The following FHOD3 variants were observed in gnomAD, a reference collection of about 807,000 sequenced individuals.
FHOD3 encodes FH1/FH2 domain-containing protein 3.
FHOD3 carries 90 observed loss-of-function variants against 173.0 expected under a neutral mutation model. That is an observed-to-expected ratio of 0.52 (90% CI 0.44 to 0.62). The LOEUF (loss-of-function observed/expected upper bound fraction) is 0.62. FHOD3 is among the 20% of genes least tolerant of loss of function. The pLI, the probability that FHOD3 is intolerant of heterozygous loss-of-function variation, is 0.00. For missense variants in FHOD3, 1,945 were observed against 2,034.7 expected, an observed-to-expected ratio of 0.96 and a Z score of 0.85; for synonymous variants, 828 against 823.0, an observed-to-expected ratio of 1.01 and a Z score of -0.10.
chr18:36,732,655 G>A (rs891585467), intron 20 of FHOD3, among the ~76,000 whole-genome samples: 6 of 152,198 alleles, frequency 3.9e-5, no homozygotes, highest in Non-Finnish European at 5.9e-5. Flanking sequence ...CCGGAGCAGG[G>A]GACATGAAGG....
chr18:36,689,248 G>T (rs1339516986), intron 16 of FHOD3, among the ~76,000 whole-genome samples: 1 of 152,200 alleles, frequency 6.6e-6, no homozygotes, highest in Non-Finnish European at 1.5e-5. Flanking sequence ...ATGGAAACTA[G>T]TAGAGATCAG....
chr18:36,573,577 G>A (rs1054142889), intron 5 of FHOD3, among the ~76,000 whole-genome samples: 11 of 152,194 alleles, frequency 7.2e-5, no homozygotes, highest in Admixed American at 2.0e-4. Context: ...CTGCTCCAAC[G>A]TGGGTGACAG....
chr18:36,488,819 AGTG>A (rs1436802317), intron 3 of FHOD3, among the ~76,000 whole-genome samples: 4 of 152,230 alleles, frequency 2.6e-5, no homozygotes, highest in Non-Finnish European at 4.4e-5. Context: ...GCCATGGCAC[AGTG>A]GTGCCTGAAA....
chr18:36,734,014 A>G (rs1034288421), intron 20 of FHOD3, among the ~76,000 whole-genome samples: 2 of 151,876 alleles, frequency 1.3e-5, no homozygotes, highest in African/African-American at 2.4e-5. Context: ...TGCTGCAGAG[A>G]ATAAGAGGGA....
chr18:36,611,042 A>G (rs2032621817), intron 8 of FHOD3, among the ~76,000 whole-genome samples: 1 of 152,204 alleles, frequency 6.6e-6, no homozygotes, highest in South Asian at 2.1e-4. Context: ...GAGAGGTAGA[A>G]TTCAAAGAGA....
chr18:36,318,837 CA>C (rs1409159178), intron 1 of FHOD3, among the ~76,000 whole-genome samples: 1 of 152,144 alleles, frequency 6.6e-6, no homozygotes, highest in Non-Finnish European at 1.5e-5. Context: ...TTTGCCCATT[CA>C]GGATGATATT....
chr18:36,433,552 G>A (rs1273491876), intron 3 of FHOD3, among the ~76,000 whole-genome samples: 3 of 152,190 alleles, frequency 2.0e-5, no homozygotes, highest in Admixed American at 2.0e-4. Flanking sequence ...GTGGTCTAGT[G>A]CAAGGCTACT....
intron 14 of FHOD3, among the ~76,000 whole-genome samples, chr18:36,673,207 G>A (rs2037644902): frequency 6.6e-6 from 1 of 152,112 alleles, no homozygotes; most frequent in Admixed American, 6.5e-5. Flanking sequence ...ATGGAGATTG[G>A]GCTAGTTGTC....
intron 28 of FHOD3, among the ~76,000 whole-genome samples, chr18:36,776,122 C>G (rs1416913152): frequency 6.6e-6 from 1 of 151,790 alleles, no homozygotes. Context: ...TGCTGTGTAC[C>G]ATTTCATACC....
chr18:36,460,373 G>A (rs1334258486), intron 3 of FHOD3, among the ~76,000 whole-genome samples: 1 of 152,210 alleles, frequency 6.6e-6, no homozygotes, highest in Non-Finnish European at 1.5e-5. Context: ...TATCAGTAAA[G>A]ACTTGTGACT....
chr18:36,594,277 G>A (rs183073133), intron 6 of FHOD3, among the ~76,000 whole-genome samples: 3 of 152,110 alleles, frequency 2.0e-5, no homozygotes, highest in East Asian at 1.9e-4. Context: ...GGCTCCAGGC[G>A]GCCTTCTCTG....
At chr18:36,509,811 G>A (rs985181515) in intron 4 of FHOD3, among the ~76,000 whole-genome samples, 1 of 152,214 alleles carries the variant, frequency 6.6e-6, no homozygotes, top group African/African-American at 2.4e-5. Flanking sequence ...ACTCTGTAGT[G>A]TTTGTTCTCT....
At chr18:36,477,735 C>T (rs557434217) in intron 3 of FHOD3, among the ~76,000 whole-genome samples, 2 of 152,212 alleles carry the variant, frequency 1.3e-5, no homozygotes, top group South Asian at 4.1e-4. Context: ...AGTCTTAAAT[C>T]CCTGATAGCC....
chr18:36,630,516 C>T (rs781008526), intron 10 of FHOD3, among the ~76,000 whole-genome samples: 68 of 152,182 alleles, frequency 4.5e-4, no homozygotes, highest in Non-Finnish European at 7.9e-4. Context: ...CAATTCTAAT[C>T]GGCTTCATAC....
At chr18:36,590,209 G>A (rs1260595458) in intron 6 of FHOD3, among the ~76,000 whole-genome samples, 1 of 151,568 alleles carries the variant, frequency 6.6e-6, no homozygotes, top group Non-Finnish European at 1.5e-5. Flanking sequence ...TAACATAAGC[G>A]CAAGGGGCAC....
intron 3 of FHOD3, among the ~76,000 whole-genome samples, chr18:36,443,966 A>T (rs1413954271): frequency 2.0e-5 from 3 of 151,678 alleles, no homozygotes; most frequent in Admixed American, 2.0e-4. Flanking sequence ...TGTAGAAAAA[A>T]CTCCCAAGGC....
intron 4 of FHOD3, among the ~76,000 whole-genome samples, 196 bp downstream of exon 4, chr18:36,502,195 AAAGT>A (rs1337900205): frequency 5.3e-5 from 8 of 152,178 alleles, no homozygotes; most frequent in Non-Finnish European, 1.0e-4. Context: ...AACATAATAA[AAAGT>A]AAAGGTAACT....
chr18:36,650,712 A>G (rs1299040804), intron 11 of FHOD3, among the ~76,000 whole-genome samples: 1 of 152,236 alleles, frequency 6.6e-6, no homozygotes, highest in East Asian at 1.9e-4. Flanking sequence ...TGTTCTGCCC[A>G]CCTGCACAAA....
intron 9 of FHOD3, among the ~76,000 whole-genome samples, chr18:36,621,335 CTT>C: frequency 6.6e-6 from 1 of 152,152 alleles, no homozygotes; most frequent in East Asian, 1.9e-4. Flanking sequence ...TATCAGTTAT[CTT>C]TTTCTGCATA....
Sources: gnomAD v4.1 joint callset for allele counts (sites outside exome capture counted in the v4.1 genomes callset) on GRCh38, gnomAD v4.1.1 for gene constraint, MANE v1.5 for transcripts, NCBI Gene and HGNC (gene_info 2026-07-23, HGNC 2026-07-21) for gene names.